Variants in LAIR1 observed in about 807,000 individuals in gnomAD.
LAIR1 encodes leukocyte associated immunoglobulin like receptor 1.
LAIR1 carries 24 observed loss-of-function variants against 32.8 expected under a neutral mutation model. The observed-to-expected ratio is 0.73, with a 90% CI of 0.53 to 1.03. The LOEUF is 1.03. Ranked by LOEUF, LAIR1 falls within the 50% of genes least tolerant of loss-of-function variation. LAIR1 has a pLI of 0.00. For missense variants in LAIR1, 355 were observed against 347.5 expected, an observed-to-expected ratio of 1.02 and a Z score of -0.17; for synonymous variants, 150 against 140.5, an observed-to-expected ratio of 1.07 and a Z score of -0.48.
chr19:54,367,363 C>G (rs567649142), upstream of LAIR1, among the ~76,000 whole-genome samples: 1 of 152,250 alleles, frequency 6.6e-6, no homozygotes, highest in East Asian at 1.9e-4. Flanking sequence ...TCCTTCCAAT[C>G]TAATCCAATT....
chr19:54,361,692 G>C (rs1755353415), intron 2 of LAIR1, among the ~76,000 whole-genome samples: 2 of 140,968 alleles, frequency 1.4e-5, no homozygotes, highest in African/African-American at 2.5e-5. Context: ...GGGTTGCCAG[G>C]CTCCTTTGAG....
At chr19:54,367,446 T>G (rs2082289173), upstream of LAIR1, among the ~76,000 whole-genome samples, 1 of 152,140 alleles carries the variant, frequency 6.6e-6, no homozygotes, top group Non-Finnish European at 1.5e-5. Context: ...TAATATAATA[T>G]GTTAAAGATT....
At chr19:54,361,563 G>A (rs564426040) in intron 2 of LAIR1, among the ~76,000 whole-genome samples, 1 of 151,666 alleles carries the variant, frequency 6.6e-6, no homozygotes, top group Admixed American at 6.6e-5. Context: ...GGCACAGGAT[G>A]GGGATGACAG....
upstream of LAIR1, among the ~76,000 whole-genome samples, chr19:54,367,343 C>T (rs1157517331): frequency 6.6e-6 from 1 of 152,128 alleles, no homozygotes; most frequent in Non-Finnish European, 1.5e-5. Context: ...ATGTTACAGT[C>T]CCTGGTATAT....
At chr19:54,370,685 A>G (rs1321609439), upstream of LAIR1, 1 of 174,582 alleles carries the variant, frequency 5.7e-6, no homozygotes, top group African/African-American at 2.4e-5. Flanking sequence ...CCTGCCCTGT[A>G]TACGTCTCCG....
chr19:54,373,390 G>A (rs1247277190), upstream of LAIR1, among the ~76,000 whole-genome samples: 2 of 152,104 alleles, frequency 1.3e-5, no homozygotes, highest in Non-Finnish European at 2.9e-5. Flanking sequence ...CTTGCAGTGA[G>A]CCGAGATCGC....
chr19:54,365,132 T>C (rs370501088), upstream of LAIR1: 148 of 1,110,184 alleles, frequency 1.3e-4, 1 homozygote, highest in East Asian at 2.7e-3. Flanking sequence ...GGGCAACCAA[T>C]TGACTTGGAC....
At chr19:54,364,971 C>A, upstream of LAIR1, 2 of 1,510,554 alleles carry the variant, frequency 1.3e-6, no homozygotes, top group Non-Finnish European at 1.8e-6. This position sits in a 1 kb window ranked among gnomAD's most constrained non-coding sequence, Gnocchi z 4.8. Flanking sequence ...CTGTTCTTTC[C>A]ACCCTTCCCA....
At chr19:54,373,171 G>A (rs377181284), upstream of LAIR1, among the ~76,000 whole-genome samples, 2 of 150,408 alleles carry the variant, frequency 1.3e-5, no homozygotes, top group Non-Finnish European at 2.9e-5. Flanking sequence ...GTCCTGGTGT[G>A]GTGGCTCACG....
chr19:54,352,458 G>A lies in LAIR1; in HGVS notation c.*2810C>T, dbSNP rs2081550474. The stretch of plus-strand genomic sequence containing the variant: ...CACCCTGAGTTCTGGCCCCTGCGTT[G>A]GGCGGGTTGGCAAGTCAAGAGAAAA... On this transcript the variant is annotated 3_prime_UTR_variant, in exon 10 of 10. Coordinates refer to ENST00000391742, the MANE Select transcript of LAIR1 (RefSeq NM_002287.6). 6.5e-6 allele frequency: 1 copy of A among 153,774 alleles called. No homozygotes were observed. The highest frequency in any genetic ancestry group is 3.2e-3 in the Middle Eastern group (1 of 316). 9.5% of individuals were successfully genotyped at this position (153,774 alleles called of 1,614,324 possible). A position where few individuals can be genotyped will look rare whatever the true frequency, so the allele number is the denominator to read the frequency against.
Position 54,364,605 on chromosome 19 carries a change from A to G in LAIR1, c.34+166T>C, listed in dbSNP as rs564824921. 52 of 836,556 alleles carry G rather than the reference A, an allele frequency of 6.2e-5. No homozygotes were observed. Among genetic ancestry groups the G allele is most frequent in the Non-Finnish European group, 8.5e-5 (41 of 481,394 alleles). The allele number at this position is 836,556 out of a possible 1,614,324, so 51.8% of individuals were successfully genotyped here. On this transcript the variant is annotated intron_variant, in intron 1 of 9. Transcript: ENST00000391742. The surrounding 1 kb of genome is among the most constrained non-coding windows in gnomAD (Gnocchi z 4.8). Reference sequence around the variant, plus strand: ...CCCGGGCCCCTGTTTTTAGGACAAGATCTTCTCTGATCAGACTTAGGCCCC... The same window carrying G: ...CCCGGGCCCCTGTTTTTAGGACAAGGTCTTCTCTGATCAGACTTAGGCCCC...
At chr19:54,374,436 G>C (rs182378517), upstream of LAIR1, among the ~76,000 whole-genome samples, 615 of 152,184 alleles carry the variant, frequency 4.0e-3, 3 homozygotes, top group Non-Finnish European at 5.5e-3. Flanking sequence ...GATGAAGGAC[G>C]GGGTCCACAC....
chr19:54,365,274 T>C (rs2082216516), upstream of LAIR1, among the ~76,000 whole-genome samples: 3 of 152,330 alleles, frequency 2.0e-5, no homozygotes, highest in South Asian at 6.2e-4. Flanking sequence ...TTGTGATCTA[T>C]GCTAAAATCC....
At position 54,356,395 on chromosome 19, in the gene LAIR1, G is replaced by A. The variant is rs755140064; in HGVS notation, c.587C>T (p.Pro196Leu). 2 of 1,592,624 alleles carry A rather than the reference G, an allele frequency of 1.3e-6. No homozygotes were observed. Among genetic ancestry groups the A allele is most frequent in the Non-Finnish European group, 1.7e-6 (2 of 1,169,890 alleles). ...LHRQNQIKQGPPRSKDEEQKP... is the reference protein window; with the variant it reads ...LHRQNQIKQGLPRSKDEEQKP... The stretch of plus-strand genomic sequence containing the variant: ...CTGCTCCTCGTCCTTGCTTCTGGGG[G>A]GCCCTAAGGACAGTCGGGGTGTGAA... Residue 196 changes from proline (P) to leucine (L), a missense_variant, in exon 7 of 10, where the codon CCC becomes CTC. Pro to Leu is a moderately conservative substitution (Grantham distance 98). Coordinates refer to ENST00000391742, the MANE Select transcript of LAIR1 (RefSeq NM_002287.6).
rs1180761952 is a variant in LAIR1, at chr19:54,364,262, G to A, written c.70+33C>T. 1.9e-6 allele frequency: 3 copies of A among 1,603,170 alleles called. No individual in the cohort carries two copies. The highest frequency in any genetic ancestry group is 2.6e-6 in the Non-Finnish European group (3 of 1,170,812). On this transcript the variant is annotated intron_variant, in intron 2 of 9. Coordinates refer to ENST00000391742, the MANE Select transcript of LAIR1 (RefSeq NM_002287.6). The surrounding 1 kb of genome is among the most constrained non-coding windows in gnomAD (Gnocchi z 4.8). ...AGCACTGCCCTTGGGGTGACAGAGG[G>A]GACTGGGAAGATGGGACGAAGGCAT...
upstream of LAIR1, chr19:54,364,982 C>T: frequency 6.7e-7 from 1 of 1,486,164 alleles, no homozygotes; most frequent in Non-Finnish European, 8.9e-7. This position sits in a 1 kb window ranked among gnomAD's most constrained non-coding sequence, Gnocchi z 4.8. Flanking sequence ...ACCCTTCCCA[C>T]TAGTGAGACG....
At chr19:54,369,916 A>G (rs1192186108), upstream of LAIR1, among the ~76,000 whole-genome samples, 1 of 150,094 alleles carries the variant, frequency 6.7e-6, no homozygotes, top group Non-Finnish European at 1.5e-5. Context: ...TAATGATCTC[A>G]AGCTTGGACC....
intron 2 of LAIR1, among the ~76,000 whole-genome samples, chr19:54,363,135 C>A (rs1266680450): frequency 6.6e-6 from 1 of 151,778 alleles, no homozygotes; most frequent in African/African-American, 2.4e-5. Flanking sequence ...AATCGCCAGT[C>A]CCTGGGGTCA....
At position 54,364,526 on chromosome 19, in the gene LAIR1, T is replaced by C. The variant is rs1282068482; in HGVS notation, c.35-196A>G. On this transcript the variant is annotated intron_variant, in intron 1 of 9. Transcript: ENST00000391742. The surrounding 1 kb of genome is among the most constrained non-coding windows in gnomAD (Gnocchi z 4.8). ...CAAGATAAATCCCAAAGTCTCCTCCTCCAAAAAGGCTCCTGCTCCCCCAGC... is the reference window on the plus strand; with the variant it reads ...CAAGATAAATCCCAAAGTCTCCTCCCCCAAAAAGGCTCCTGCTCCCCCAGC... 8 of 812,520 alleles carry C rather than the reference T, an allele frequency of 9.8e-6. No individual in the cohort carries two copies. Among genetic ancestry groups the C allele is most frequent in the African/African-American group, 1.7e-5 (1 of 58,766 alleles). 50.3% of individuals were successfully genotyped at this position (812,520 alleles called of 1,614,324 possible). A position where few individuals can be genotyped will look rare whatever the true frequency, so the allele number is the denominator to read the frequency against.
Sources: allele counts gnomAD v4.1 joint callset (sites outside exome capture counted in the v4.1 genomes callset), GRCh38; gene constraint gnomAD v4.1.1; non-coding constraint Gnocchi (gnomAD v3.1); transcripts MANE v1.5; gene names NCBI Gene and HGNC (gene_info 2026-07-23, HGNC 2026-07-21).